The following TMEM269 variants were observed in gnomAD, a reference collection of about 807,000 sequenced individuals.
TMEM269 encodes the protein transmembrane protein 269.
Under a neutral mutation model 15.8 loss-of-function variants are expected in TMEM269, and 12 were observed. The ratio of observed to expected loss-of-function variants is 0.76; its 90% CI spans 0.49 to 1.23. The LOEUF (loss-of-function observed/expected upper bound fraction) is 1.23. Among genes scored for constraint, TMEM269 ranks in the 50% most tolerant of loss-of-function variants. The pLI is 0.00. For missense variants in TMEM269, 211 were observed against 245.4 expected (o/e 0.86, Z 0.94); for synonymous variants, 93 against 99.3 (o/e 0.94, Z 0.38).
chr1:42,791,774 G>A (rs781197371), intron 2 of TMEM269, among the ~76,000 whole-genome samples: 16 of 152,166 alleles, frequency 1.1e-4, no homozygotes, highest in South Asian at 4.1e-4. Context: ...AGCTGAGGCC[G>A]GCGGATCACT....
In TMEM269 at chr1:42,793,701, C is replaced by G. The variant is rs1366070202; in HGVS notation, c.240C>G (p.Ile80Met). ...DGLLSGILAI[I>M]YVSAASFHLC... ...TTCTGAGTGGGATCCTGGCCATCAT[C>G]TATGTGTCAGCTGCTTCTTTCCACT... The change falls in exon 4 of 6, where the codon ATC becomes ATG. Residue 80 changes from isoleucine to methionine, a missense_variant. Transcript: ENST00000637012. 4.3e-5 allele frequency: 67 copies of G among 1,550,516 alleles called. No individual in the cohort carries two copies. The highest frequency in any genetic ancestry group is 5.8e-5 in the Non-Finnish European group (67 of 1,146,988).
intron 5 of TMEM269, chr1:42,796,603 C>G (rs191187574): frequency 2.8e-4 from 42 of 150,870 alleles, no homozygotes; most frequent in Admixed American, 7.3e-4. Context: ...AGGGGTCTCA[C>G]TCTTTTGTCC....
In TMEM269 at chr1:42,797,353, T is replaced by C. The variant is rs1653806418; in HGVS notation, c.485-745T>C. Among the ~76,000 whole-genome samples the C allele has an allele frequency of 1.3e-5, 2 of 151,986 alleles. No homozygotes were observed. Among genetic ancestry groups the C allele is most frequent in the African/African-American group, 2.4e-5 (1 of 41,366 alleles). On this transcript the variant is annotated intron_variant, in intron 5 of 5. Transcript: ENST00000637012. The surrounding 1 kb of genome is among the most constrained non-coding windows in gnomAD (Gnocchi z 4.9). The stretch of plus-strand genomic sequence containing the variant: ...TTCAGAGAGTCCTCTCCCAGTAGAG[T>C]CACACGAGATGCACTTAATTCCTCA...
intron 2 of TMEM269, among the ~76,000 whole-genome samples, 195 bp downstream of exon 2, chr1:42,790,129 A>G (rs943118141): frequency 6.6e-6 from 1 of 152,190 alleles, no homozygotes; most frequent in Non-Finnish European, 1.5e-5. Flanking sequence ...ATGGCAGTCT[A>G]GAATGGTTTC....
intron 3 of TMEM269, among the ~76,000 whole-genome samples, chr1:42,793,340 T>C (rs1374576119): frequency 6.6e-6 from 1 of 152,178 alleles, no homozygotes; most frequent in African/African-American, 2.4e-5. Flanking sequence ...TTGTATCTGA[T>C]TGTAGTCCAA....
chr1:42,786,797 GCC>G (rs1273563684), intron 1 of TMEM269, among the ~76,000 whole-genome samples: 1 of 152,194 alleles, frequency 6.6e-6, no homozygotes, highest in Non-Finnish European at 1.5e-5. Flanking sequence ...CTTGCCCCTG[GCC>G]AAACATTTGC....
intron 1 of TMEM269, among the ~76,000 whole-genome samples, chr1:42,785,989 C>G (rs887150064): frequency 3.9e-5 from 6 of 152,292 alleles, no homozygotes; most frequent in Admixed American, 3.3e-4. Flanking sequence ...TCCCCCACCC[C>G]ACACACAAGG....
chr1:42,797,811 G>T lies in TMEM269; in HGVS notation c.485-287G>T, dbSNP rs1297400151. 2 of 570,430 alleles carry T rather than the reference G, an allele frequency of 3.5e-6. No homozygotes were observed. The highest frequency in any genetic ancestry group is 6.8e-6 in the Non-Finnish European group (2 of 292,956). 35.3% of individuals were successfully genotyped at this position (570,430 alleles called of 1,614,324 possible). On this transcript the variant is annotated intron_variant, in intron 5 of 5. Transcript: ENST00000637012. The surrounding 1 kb of genome is among the most constrained non-coding windows in gnomAD (Gnocchi z 4.9). ...GGGTTTTTGGTTTTTGTCTTGGTTT[G>T]TTTTGTTTTCCCTAACAAAGGCAAT...
chr1:42,793,809 T>C, intron 4 of TMEM269, 65 bp downstream of exon 4: 6 of 1,497,976 alleles, frequency 4.0e-6, no homozygotes. Context: ...GGCTGTCGGG[T>C]GCCAGAAGCC....
chr1:42,798,738 T>TTTTG lies in TMEM269; in HGVS notation c.*516_*517insGTTT, dbSNP rs1653834775. The TTTTG allele has an allele frequency of 7.7e-6, 1 of 130,470 alleles. No individual in the cohort carries two copies. Among genetic ancestry groups the TTTTG allele is most frequent in the Non-Finnish European group, 1.6e-5 (1 of 61,204 alleles). 8.1% of individuals were successfully genotyped at this position (130,470 alleles called of 1,614,324 possible). ...TGTAACTTCAACATTCTGGGTTTTT[T>TTTTG]TTTTTTTTTTTTTTTTTTTTTTGAG... On this transcript the variant is annotated 3_prime_UTR_variant, in exon 6 of 6. Transcript: ENST00000637012.
chr1:42,791,837 A>G (rs1653692699), intron 2 of TMEM269, among the ~76,000 whole-genome samples: 1 of 152,152 alleles, frequency 6.6e-6, no homozygotes, highest in African/African-American at 2.4e-5. Context: ...CACCATCTCT[A>G]CTAAAAATAC....
intron 1 of TMEM269, chr1:42,789,510 T>A: frequency 6.5e-7 from 1 of 1,534,734 alleles, no homozygotes. Flanking sequence ...TGGAGGGATG[T>A]CTGTGCTGTG....
At chr1:42,789,304 C>T in intron 1 of TMEM269, 1 of 733,322 alleles carries the variant, frequency 1.4e-6, no homozygotes, top group Admixed American at 2.3e-5. Context: ...AGAACCAGGA[C>T]CTTGAGGCAC....
chr1:42,794,970 T>C (rs1174939594), intron 5 of TMEM269, among the ~76,000 whole-genome samples: 1 of 152,204 alleles, frequency 6.6e-6, no homozygotes, highest in African/African-American at 2.4e-5. Flanking sequence ...AAACAGTCCC[T>C]GCCTCTGAAT....
intron 1 of TMEM269, among the ~76,000 whole-genome samples, chr1:42,787,576 C>A (rs957421152): frequency 8.0e-6 from 1 of 125,372 alleles, no homozygotes; most frequent in Non-Finnish European, 1.6e-5. Context: ...GTCCGCAGTC[C>A]GGCCTGGGCG....
At chr1:42,793,794 C>T (rs1385789708) in intron 4 of TMEM269, 50 bp downstream of exon 4, 14 of 1,521,190 alleles carry the variant, frequency 9.2e-6, no homozygotes, top group Admixed American at 2.2e-5. Context: ...GAGCACAGAA[C>T]GGGGGGCTGT....
At position 42,788,882 on chromosome 1, in the gene TMEM269, C is replaced by A. The variant is rs1292155250; in HGVS notation, c.-98-914C>A. On this transcript the variant is annotated intron_variant, in intron 1 of 5. Transcript: ENST00000637012. The surrounding 1 kb of genome is among the most constrained non-coding windows in gnomAD (Gnocchi z 4.0). ...TGAGAAACAGACATGGGGATGGGAA[C>A]ATGGCGAAAAGATCTTTGTGAACTA... Among the ~76,000 whole-genome samples the A allele has an allele frequency of 6.6e-6, 1 of 151,016 alleles. No individual in the cohort carries two copies. Among genetic ancestry groups the A allele is most frequent in the Non-Finnish European group, 1.5e-5 (1 of 67,804 alleles).
chr1:42,795,128 G>T (rs1653770074), intron 5 of TMEM269, among the ~76,000 whole-genome samples: 1 of 152,204 alleles, frequency 6.6e-6, no homozygotes, highest in African/African-American at 2.4e-5. Context: ...GATCTGAAGG[G>T]AAGGAAAGGA....
chr1:42,789,793 C>T lies in TMEM269; in HGVS notation c.-98-3C>T, dbSNP rs1490777918. On this transcript the variant is annotated splice_polypyrimidine_tract_variant and splice_region_variant and intron_variant, in intron 1 of 5. Coordinates refer to ENST00000637012, the MANE Select transcript of TMEM269 (RefSeq NM_001354602.2). ...CCCTTCGCCCCTCTCTCTTGGGCCC[C>T]AGGTAAGGGTACCAGTTTCTTCCTG... The T allele has an allele frequency of 2.0e-6, 3 of 1,478,524 alleles. No homozygotes were observed. The South Asian group carries it at 3.6e-5, about 18-fold the overall frequency. The allele number at this position is 1,478,524 out of a possible 1,614,324, so 91.6% of individuals were successfully genotyped here.
Sources: allele counts gnomAD v4.1 joint callset (sites outside exome capture counted in the v4.1 genomes callset), GRCh38; gene constraint gnomAD v4.1.1; non-coding constraint Gnocchi (gnomAD v3.1); transcripts MANE v1.5; gene names NCBI Gene and HGNC (gene_info 2026-07-23, HGNC 2026-07-21).